The following FAT3 variants were observed in gnomAD, a reference collection of about 807,000 sequenced individuals.
The protein encoded by FAT3 is protocadherin Fat 3.
A neutral mutation model predicts 310.2 loss-of-function variants in FAT3; 95 were observed. The ratio of observed to expected loss-of-function variants is 0.31; its 90% CI spans 0.26 to 0.36. FAT3 has a LOEUF of 0.36. FAT3 is among the 10% of genes least tolerant of loss of function. FAT3 has a pLI of 1.00. For missense variants in FAT3, 5,408 were observed against 5,715.6 expected, an observed-to-expected ratio of 0.95 and a Z score of 1.74; for synonymous variants, 2,314 against 2,192.9, an observed-to-expected ratio of 1.06 and a Z score of -1.54.
At chr11:92,762,697 T>A (rs1450674020) in intron 5 of FAT3, among the ~76,000 whole-genome samples, 1 of 152,222 alleles carries the variant, frequency 6.6e-6, no homozygotes, top group East Asian at 1.9e-4. Context: ...AGTGACTGAA[T>A]TTTTTATTAA....
At chr11:92,381,269 G>A (rs1470744091) in intron 2 of FAT3, among the ~76,000 whole-genome samples, 3 of 152,178 alleles carry the variant, frequency 2.0e-5, no homozygotes. Context: ...CAGCGTTTAG[G>A]GAGGCCGAGG....
chr11:92,534,908 T>C (rs1309001652), intron 3 of FAT3, among the ~76,000 whole-genome samples: 1 of 152,124 alleles, frequency 6.6e-6, no homozygotes, highest in African/African-American at 2.4e-5. Context: ...TTAGGTTTGA[T>C]GAAAAATGGA....
intron 1 of FAT3, among the ~76,000 whole-genome samples, chr11:92,247,479 C>G (rs542845324): frequency 2.0e-5 from 3 of 152,024 alleles, no homozygotes; most frequent in Middle Eastern, 6.8e-3. Context: ...CTGGCAGAAG[C>G]GTGAAGAAAG....
intron 1 of FAT3, among the ~76,000 whole-genome samples, chr11:92,348,074 A>G (rs1476316391): frequency 6.6e-6 from 1 of 152,036 alleles, no homozygotes; most frequent in Non-Finnish European, 1.5e-5. Flanking sequence ...TCTAGCATTC[A>G]TTTATTTCCT....
At chr11:92,716,677 C>T (rs1944700284) in intron 4 of FAT3, among the ~76,000 whole-genome samples, 1 of 152,038 alleles carries the variant, frequency 6.6e-6, no homozygotes, top group South Asian at 2.1e-4. Flanking sequence ...TGCATGTGTA[C>T]TTGGGGTTGA....
chr11:92,515,674 A>G (rs1288821926), intron 2 of FAT3, among the ~76,000 whole-genome samples: 1 of 152,062 alleles, frequency 6.6e-6, no homozygotes, highest in Non-Finnish European at 1.5e-5. Flanking sequence ...TTATCTGTCA[A>G]ATGGGGATAA....
At chr11:92,446,274 T>A (rs774568819) in intron 2 of FAT3, among the ~76,000 whole-genome samples, 9 of 152,198 alleles carry the variant, frequency 5.9e-5, no homozygotes, top group Non-Finnish European at 1.0e-4. Flanking sequence ...CTAGTATACA[T>A]GGGAATGTGT....
intron 1 of FAT3, 23 bp from the exon 2 acceptor site, chr11:92,352,071 TTC>T (rs763422676): frequency 1.8e-5 from 22 of 1,236,670 alleles, no homozygotes; most frequent in Admixed American, 2.8e-5. Flanking sequence ...AATTTATCTT[TTC>T]TCTCTCTCTT....
intron 27 of FAT3, 72 bp from the exon 28 acceptor site, chr11:92,890,419 C>G (rs2136441332): frequency 2.0e-6 from 3 of 1,523,176 alleles, no homozygotes; most frequent in Non-Finnish European, 1.8e-6. Context: ...CAGGTCCCTT[C>G]CCTGCTCCTT....
chr11:92,675,808 C>G (rs1177344636), intron 3 of FAT3, among the ~76,000 whole-genome samples: 1 of 152,170 alleles, frequency 6.6e-6, no homozygotes, highest in Non-Finnish European at 1.5e-5. Context: ...AGATTCATTT[C>G]TCTTGTATTA....
At chr11:92,858,983 A>G (rs1949051896) in intron 20 of FAT3, among the ~76,000 whole-genome samples, 182 bp from the exon 21 acceptor site, 1 of 152,200 alleles carries the variant, frequency 6.6e-6, no homozygotes, top group African/African-American at 2.4e-5. Context: ...CTCTGAAATT[A>G]GAGTGTGATG....
intron 3 of FAT3, among the ~76,000 whole-genome samples, chr11:92,568,326 A>G (rs567767421): frequency 2.0e-5 from 3 of 152,166 alleles, no homozygotes; most frequent in African/African-American, 7.2e-5. Flanking sequence ...CCCTTTATCC[A>G]TGAATTAGAT....
At chr11:92,366,523 C>T (rs771887957) in intron 2 of FAT3, 9 of 482,134 alleles carry the variant, frequency 1.9e-5, no homozygotes, top group African/African-American at 7.9e-5. Flanking sequence ...CCTCGGCAGC[C>T]GCAGCTTCCA....
At position 92,866,946 on chromosome 11, in the gene FAT3, G is replaced by C. The variant is rs1949263132; in HGVS notation, c.11864G>C (p.Ser3955Thr). Residue 3955 changes from serine (S) to threonine (T), a missense_variant, in exon 22 of 28, where the codon AGC becomes ACC. Around this residue, in one of 5 missense-constraint regions of FAT3, gnomAD observed 4,588 missense variants for 4,809.8 expected, o/e 0.95. Coordinates refer to ENST00000525166, the MANE Select transcript of FAT3 (RefSeq NM_001367949.2). Reference sequence around the variant, plus strand: ...TTCCAGACGCTGAGCACTGAGAGTAGCATCTACTTCGGCGCCCTGGTGCAA... The same window carrying C: ...TTCCAGACGCTGAGCACTGAGAGTACCATCTACTTCGGCGCCCTGGTGCAA... ...LYFQTLSTESSIYFGALVQAD... is the reference protein window; with the variant it reads ...LYFQTLSTESTIYFGALVQAD... 3.1e-6 allele frequency: 5 copies of C among 1,613,666 alleles called. No homozygotes were observed. The highest frequency in any genetic ancestry group is 4.2e-6 in the Non-Finnish European group (5 of 1,179,770).
intron 3 of FAT3, among the ~76,000 whole-genome samples, chr11:92,555,175 A>T (rs781020397): frequency 6.6e-6 from 1 of 152,166 alleles, no homozygotes; most frequent in Admixed American, 6.5e-5. Context: ...ACCCAGAGAA[A>T]AATGTTCTCT....
At chr11:92,541,814 G>T (rs143614279) in intron 3 of FAT3, among the ~76,000 whole-genome samples, 1 of 152,034 alleles carries the variant, frequency 6.6e-6, no homozygotes. Flanking sequence ...GAAAATGCCC[G>T]TTACTTTTAT....
At chr11:92,818,265 A>G (rs561512722) in intron 13 of FAT3, among the ~76,000 whole-genome samples, 1 of 152,248 alleles carries the variant, frequency 6.6e-6, no homozygotes, top group South Asian at 2.1e-4. Context: ...ACTTTACTAA[A>G]TATACTACCT....
At chr11:92,367,800 A>G (rs976590590) in intron 2 of FAT3, among the ~76,000 whole-genome samples, 1 of 152,206 alleles carries the variant, frequency 6.6e-6, no homozygotes, top group African/African-American at 2.4e-5. Context: ...ACAAATTCCA[A>G]TTGGAGACAT....
rs1196442457 is a variant in FAT3 at position 92,368,845 on chromosome 11, T to TATATATATATATATATATATACATAC, written c.3292+13444_3292+13445insTATATATATATATATATACATACATA. On this transcript the variant is annotated intron_variant, in intron 2 of 27. Transcript: ENST00000525166. ...GTTTGTGTGTATACATATATATATA[T>TATATATATATATATATATATACATAC]ATACACACATACACATATATATATA... is the stretch of plus-strand genomic sequence containing the variant. Among the ~76,000 whole-genome samples, 213 of 145,738 alleles carry TATATATATATATATATATATACATAC rather than the reference T, an allele frequency of 1.5e-3. 2 individuals carry two copies. The highest frequency in any genetic ancestry group is 5.6e-3 in the African/African-American group (208 of 37,386).
Sources: gnomAD v4.1 joint callset for allele counts (sites outside exome capture counted in the v4.1 genomes callset) on GRCh38, gnomAD v4.1.1 for gene constraint, gnomAD v4.1.1 regional missense constraint, MANE v1.5 for transcripts, NCBI Gene and HGNC (gene_info 2026-07-23, HGNC 2026-07-21) for gene names.